The following NKAIN3 variants were observed in gnomAD, a reference collection of about 807,000 sequenced individuals.
The protein encoded by NKAIN3 is sodium/potassium transporting ATPase interacting 3.
In NKAIN3, 25 loss-of-function variants were observed where a neutral mutation model predicts 30.2. That is an observed-to-expected ratio of 0.83 (90% CI 0.60 to 1.16). NKAIN3 has a LOEUF of 1.16. Ranked by LOEUF, NKAIN3 falls within the 50% of genes most tolerant of loss-of-function variation. The pLI is 0.00. For synonymous variants in NKAIN3, 91 were observed against 89.6 expected, an observed-to-expected ratio of 1.02 and a Z score of -0.09; for missense variants, 225 against 254.1, an observed-to-expected ratio of 0.89 and a Z score of 0.78.
intron 5 of NKAIN3, among the ~76,000 whole-genome samples, chr8:62,921,491 G>T (rs1822274429): frequency 6.6e-6 from 1 of 152,138 alleles, no homozygotes; most frequent in African/African-American, 2.4e-5. Context: ...ATAAATACTT[G>T]AGGAAACACT....
chr8:62,985,552 T>A (rs899183752), downstream of NKAIN3, among the ~76,000 whole-genome samples: 2 of 152,172 alleles, frequency 1.3e-5, no homozygotes, highest in African/African-American at 4.8e-5. Context: ...GGGAGTAAAA[T>A]CCCCTTAACA....
intron 3 of NKAIN3, among the ~76,000 whole-genome samples, chr8:62,718,814 T>C (rs1286450493): frequency 6.6e-6 from 1 of 152,226 alleles, no homozygotes; most frequent in Non-Finnish European, 1.5e-5. Context: ...GTTTACATTT[T>C]ATGTTTAACT....
intron 1 of NKAIN3, among the ~76,000 whole-genome samples, chr8:62,443,412 C>G (rs1447634237): frequency 3.9e-5 from 6 of 152,020 alleles, no homozygotes; most frequent in Non-Finnish European, 8.8e-5. Context: ...GAGACAAAGT[C>G]TCACTCTGTC....
At chr8:62,696,244 T>A (rs1814151165) in intron 3 of NKAIN3, among the ~76,000 whole-genome samples, 1 of 152,172 alleles carries the variant, frequency 6.6e-6, no homozygotes, top group Non-Finnish European at 1.5e-5. Context: ...TTGTCAGAAT[T>A]TTTTCCTTAT....
At chr8:62,616,434 T>A (rs1245176297) in intron 3 of NKAIN3, among the ~76,000 whole-genome samples, 1 of 152,102 alleles carries the variant, frequency 6.6e-6, no homozygotes, top group African/African-American at 2.4e-5. Context: ...TACTGGTTTA[T>A]TACAAAGGAT....
intron 1 of NKAIN3, among the ~76,000 whole-genome samples, chr8:62,269,169 C>A (rs1552205): frequency 0.59 from 90,211 of 152,006 alleles, 27,023 homozygotes; most frequent in East Asian, 0.68. Context: ...AATAAAACCC[C>A]TGTGCATGGT....
At chr8:62,877,816 A>G (rs1206788716) in intron 4 of NKAIN3, among the ~76,000 whole-genome samples, 1 of 152,118 alleles carries the variant, frequency 6.6e-6, no homozygotes, top group Admixed American at 6.5e-5. Flanking sequence ...TGAGGCGGGC[A>G]GATCACCTGA....
chr8:62,317,548 C>G (rs1814684750), intron 1 of NKAIN3, among the ~76,000 whole-genome samples: 1 of 152,172 alleles, frequency 6.6e-6, no homozygotes, highest in Non-Finnish European at 1.5e-5. Context: ...TTCCCCATTG[C>G]TTGTTTTTCT....
chr8:62,264,169 A>T (rs369929263), intron 1 of NKAIN3, among the ~76,000 whole-genome samples: 7 of 152,210 alleles, frequency 4.6e-5, no homozygotes, highest in African/African-American at 1.2e-4. Flanking sequence ...GAGGGAATTC[A>T]TATTGCTTAG....
At chr8:62,659,941 C>G (rs1812891027) in intron 3 of NKAIN3, among the ~76,000 whole-genome samples, 1 of 152,190 alleles carries the variant, frequency 6.6e-6, no homozygotes, top group South Asian at 2.1e-4. Context: ...TGCCTTCTGC[C>G]ATGATTGTGA....
intron 1 of NKAIN3, among the ~76,000 whole-genome samples, chr8:62,267,737 T>C (rs1359515301): frequency 6.6e-6 from 1 of 152,216 alleles, no homozygotes; most frequent in Admixed American, 6.5e-5. Flanking sequence ...ATTTTGGTCA[T>C]AGGAAGCAGA....
At chr8:62,755,997 C>T (rs1736003080) in intron 4 of NKAIN3, among the ~76,000 whole-genome samples, 1 of 152,162 alleles carries the variant, frequency 6.6e-6, no homozygotes, top group African/African-American at 2.4e-5. Context: ...ATTTAGTGAG[C>T]TGTGATTTTA....
intron 5 of NKAIN3, among the ~76,000 whole-genome samples, chr8:62,950,899 T>G (rs961477648): frequency 6.6e-6 from 1 of 150,660 alleles, no homozygotes; most frequent in African/African-American, 2.4e-5. Flanking sequence ...ATTTCTACCA[T>G]AGTCTTATCA....
Position 62,965,634 on chromosome 8 carries a change from AAAG to A in NKAIN3, c.*230_*232del. 2 of 976,916 alleles carry A rather than the reference AAAG, an allele frequency of 2.0e-6. No individual in the cohort carries two copies. Among genetic ancestry groups the A allele is most frequent in the Non-Finnish European group, 2.4e-6 (2 of 822,930 alleles). 60.5% of individuals were successfully genotyped at this position (976,916 alleles called of 1,614,324 possible). A position where few individuals can be genotyped will look rare whatever the true frequency, so the allele number is the denominator to read the frequency against. On this transcript the variant is annotated 3_prime_UTR_variant, in exon 7 of 7. Coordinates refer to ENST00000623646, the MANE Select transcript of NKAIN3 (RefSeq NM_001304533.3). ...CTTGTAAGTTGTAAAAAAAAAAAAA[AAAG>A]AAAAAACAGAATTTGGTTTTAAATT...
At chr8:62,928,453 C>T (rs943423650) in intron 5 of NKAIN3, among the ~76,000 whole-genome samples, 6 of 152,148 alleles carry the variant, frequency 3.9e-5, no homozygotes, top group African/African-American at 1.4e-4. Flanking sequence ...TACTGTTTCC[C>T]AACCCTTATT....
At chr8:62,870,292 A>ATATC (rs1820584116) in intron 4 of NKAIN3, among the ~76,000 whole-genome samples, 2 of 57,790 alleles carry the variant, frequency 3.5e-5, no homozygotes, top group African/African-American at 9.5e-5. Context: ...ATATCTATAG[A>ATATC]TATATATACA....
At chr8:62,505,755 C>T (rs961204890) in intron 1 of NKAIN3, among the ~76,000 whole-genome samples, 3 of 151,974 alleles carry the variant, frequency 2.0e-5, no homozygotes, top group Non-Finnish European at 4.4e-5. Context: ...TGTCTGATGG[C>T]CTATATGTAT....
chr8:62,462,087 G>T (rs974494080), intron 1 of NKAIN3, among the ~76,000 whole-genome samples: 3 of 152,156 alleles, frequency 2.0e-5, no homozygotes, highest in African/African-American at 7.2e-5. Context: ...GCAAAATAAA[G>T]ATGGCTTCTC....
intron 1 of NKAIN3, among the ~76,000 whole-genome samples, chr8:62,347,630 T>C (rs1213322764): frequency 1.3e-5 from 2 of 152,008 alleles, no homozygotes; most frequent in Admixed American, 1.3e-4. Context: ...TAAACAAGGA[T>C]TAAAAAATAT....
Sources: allele counts gnomAD v4.1 joint callset (sites outside exome capture counted in the v4.1 genomes callset), GRCh38; gene constraint gnomAD v4.1.1; transcripts MANE v1.5; gene names NCBI Gene and HGNC (gene_info 2026-07-23, HGNC 2026-07-21).